CALN1: variants seen among roughly 807,000 people sequenced by gnomAD.
CALN1 encodes the protein calcium-binding protein 8.
CALN1 carries 17 observed loss-of-function variants against 30.6 expected under a neutral mutation model. The ratio of observed to expected loss-of-function variants is 0.56; its 90% CI spans 0.38 to 0.83. The LOEUF (loss-of-function observed/expected upper bound fraction) is 0.83. Among genes scored for constraint, CALN1 ranks in the 40% least tolerant of loss-of-function variants. CALN1 has a pLI of 0.00. For synonymous variants in CALN1, 156 were observed against 131.4 expected, an observed-to-expected ratio of 1.19 and a Z score of -1.28; for missense variants, 291 against 354.9, an observed-to-expected ratio of 0.82 and a Z score of 1.45.
intron 5 of CALN1, among the ~76,000 whole-genome samples, chr7:71,875,919 A>G (rs1253405066): frequency 6.6e-6 from 1 of 152,174 alleles, no homozygotes; most frequent in Non-Finnish European, 1.5e-5. Flanking sequence ...GGTCAGTAGC[A>G]AAGTGTCCCT....
chr7:71,861,754 G>A (rs1791290009), intron 5 of CALN1, among the ~76,000 whole-genome samples: 1 of 139,858 alleles, frequency 7.2e-6, no homozygotes, highest in Non-Finnish European at 1.5e-5. Flanking sequence ...ACTCCAGCAT[G>A]GGTGAAAGAG....
chr7:72,003,965 T>C (rs892261413), intron 5 of CALN1, among the ~76,000 whole-genome samples: 8 of 152,180 alleles, frequency 5.3e-5, no homozygotes, highest in African/African-American at 1.7e-4. Flanking sequence ...TTCTCCCAAG[T>C]TGACTTATAG....
At chr7:72,028,396 C>CA (rs577839675) in intron 4 of CALN1, among the ~76,000 whole-genome samples, 66 of 152,288 alleles carry the variant, frequency 4.3e-4, no homozygotes, top group African/African-American at 1.5e-3. Flanking sequence ...ACAGATGGTG[C>CA]ACTTGGCTGG....
At chr7:71,820,011 GAATTCAGGCCCAAATATTAAAGTTAATT>G (rs1435229223) in intron 5 of CALN1, among the ~76,000 whole-genome samples, 4 of 152,084 alleles carry the variant, frequency 2.6e-5, no homozygotes, top group Non-Finnish European at 4.4e-5. Flanking sequence ...CTCCCTTTTG[GAATTCAGGCCCAAATATTAAAGTTAATT>G]AATGTTTCAA....
chr7:71,947,511 T>C (rs1376715835), intron 5 of CALN1, among the ~76,000 whole-genome samples: 1 of 152,204 alleles, frequency 6.6e-6, no homozygotes, highest in Non-Finnish European at 1.5e-5. Context: ...TCCTATGCTA[T>C]GGTATGTCTT....
intron 6 of CALN1, among the ~76,000 whole-genome samples, chr7:71,790,364 AAAGAAAAGAAAGAAAGAAAG>A (rs1224857334): frequency 1.3e-4 from 11 of 86,444 alleles, no homozygotes; most frequent in Non-Finnish European, 2.1e-4. Flanking sequence ...AGAAAGAAAG[AAAGAAAAGAAAGAAAGAAAG>A]AAAGAAAGAA....
At chr7:72,290,879 T>C (rs1798432389) in intron 2 of CALN1, among the ~76,000 whole-genome samples, 1 of 152,068 alleles carries the variant, frequency 6.6e-6, no homozygotes, top group South Asian at 2.1e-4. Context: ...TTTCACTGAG[T>C]ATCAATCTTT....
Position 72,195,087 on chromosome 7 carries a change from C to A in CALN1, c.244+83599G>T, listed in dbSNP as rs73357165. ...AGCAAGTTCAAGTCACTTTACAGTT[C>A]GTCATGTGAAGCAGCACATTGCCAA... On this transcript the variant is annotated intron_variant, in intron 3 of 6. Transcript: ENST00000395275. Among the ~76,000 whole-genome samples, 1,099 of 152,294 alleles carry A rather than the reference C, an allele frequency of 7.2e-3. 7 individuals are homozygous for A. The highest frequency in any genetic ancestry group is 0.023 in the African/African-American group (959 of 41,588).
Position 72,222,970 on chromosome 7 carries a change from A to C in CALN1, c.244+55716T>G, listed in dbSNP as rs554996009. ...CAGGAGTTAGAGGCTGCAGTGAGCT[A>C]TGATTGCACCACTGCAATCCAGTCT... On this transcript the variant is annotated intron_variant, in intron 3 of 6. Transcript: ENST00000395275. 8.3e-4 allele frequency among the ~76,000 whole-genome samples: 127 copies of C among 152,170 alleles called. 1 individual carries two copies. The highest frequency in any genetic ancestry group is 3.0e-3 in the African/African-American group (123 of 41,446).
chr7:72,223,442 G>A (rs1027765458), intron 3 of CALN1, among the ~76,000 whole-genome samples: 2 of 152,120 alleles, frequency 1.3e-5, no homozygotes, highest in Middle Eastern at 3.2e-3. Flanking sequence ...TTTTTTGATG[G>A]ATATGGCTTA....
At chr7:72,449,874 CAAAAAAA>C (rs71069071), upstream of CALN1, among the ~76,000 whole-genome samples, 116 of 52,374 alleles carry the variant, frequency 2.2e-3, no homozygotes, top group East Asian at 4.8e-3. Context: ...GACTCCGTCT[CAAAAAAA>C]AAAAAAAAAA....
At chr7:71,813,715 G>T (rs1016620877) in intron 5 of CALN1, among the ~76,000 whole-genome samples, 3 of 152,082 alleles carry the variant, frequency 2.0e-5, no homozygotes, top group African/African-American at 7.2e-5. Context: ...GGATCACAAG[G>T]TCAGGAGATT....
the CALN1 span, among the ~76,000 whole-genome samples, chr7:72,455,857 G>A: frequency 6.6e-6 from 1 of 152,168 alleles, no homozygotes; most frequent in Non-Finnish European, 1.5e-5. Context: ...ATGAGGCTGT[G>A]AACTTGACAG....
At chr7:72,143,830 TAAAG>T (rs1453751939) in intron 3 of CALN1, among the ~76,000 whole-genome samples, 2 of 152,140 alleles carry the variant, frequency 1.3e-5, no homozygotes, top group African/African-American at 2.4e-5. Flanking sequence ...TCAACATTCT[TAAAG>T]AAAAGAATTT....
chr7:72,435,716 G>A (rs980528641), intron 1 of CALN1, among the ~76,000 whole-genome samples: 5 of 152,170 alleles, frequency 3.3e-5, no homozygotes, highest in African/African-American at 7.2e-5. Flanking sequence ...CCCTGGCTCC[G>A]GCACAAGCAA....
chr7:72,405,697 G>A (rs1338630536), intron 1 of CALN1, among the ~76,000 whole-genome samples: 1 of 151,174 alleles, frequency 6.6e-6, no homozygotes, highest in Admixed American at 6.6e-5. Flanking sequence ...AGAAGCAAGT[G>A]TGTCATTACA....
chr7:71,917,525 G>A (rs912712820), intron 5 of CALN1, among the ~76,000 whole-genome samples: 3 of 152,164 alleles, frequency 2.0e-5, no homozygotes, highest in African/African-American at 7.2e-5. Context: ...AGAAATACCT[G>A]AGACTGGGTA....
chr7:72,150,507 C>T (rs972583563), intron 3 of CALN1, among the ~76,000 whole-genome samples: 1 of 152,158 alleles, frequency 6.6e-6, no homozygotes, highest in Admixed American at 6.5e-5. Flanking sequence ...GTAAGAGGCT[C>T]TCCCTTGAGA....
At chr7:72,291,978 G>A (rs1223963506) in intron 2 of CALN1, among the ~76,000 whole-genome samples, 2 of 151,050 alleles carry the variant, frequency 1.3e-5, no homozygotes, top group East Asian at 3.9e-4. Context: ...CTTCAGCCTG[G>A]GTGACAGAAC....
Sources: gnomAD v4.1 joint callset for allele counts (sites outside exome capture counted in the v4.1 genomes callset) on GRCh38, gnomAD v4.1.1 for gene constraint, MANE v1.5 for transcripts, NCBI Gene and HGNC (gene_info 2026-07-23, HGNC 2026-07-21) for gene names.